The following CUL3 variants were observed in gnomAD, a reference collection of about 807,000 sequenced individuals.
The protein encoded by CUL3 is cullin 3.
Under a neutral mutation model 89.1 loss-of-function variants are expected in CUL3, and 19 were observed. The ratio of observed to expected loss-of-function variants is 0.21; its 90% CI spans 0.15 to 0.31. The LOEUF is 0.31. CUL3 is among the 10% of genes least tolerant of loss of function. CUL3 has a pLI of 1.00. For missense variants in CUL3, 469 were observed against 942.3 expected (o/e 0.50, Z 6.58); for synonymous variants, 351 against 308.4 (o/e 1.14, Z -1.45).
At chr2:224,557,899 A>AAAAAAAAAAAAC in intron 1 of CUL3, 43 bp from the exon 2 acceptor site, 3 of 1,136,452 alleles carry the variant, frequency 2.6e-6, no homozygotes, top group East Asian at 2.6e-5. Flanking sequence ...AAAAAAAAAA[A>AAAAAAAAAAAAC]AAAAAACCAA....
rs1237606856 is a variant in CUL3 at position 224,470,381 on chromosome 2, C to T, written c.*3864G>A. ...TGAGCATCAAATTACTTAAATGACA[C>T]GCTTACAAATTTGCCATTTCTAAAA... is the stretch of plus-strand genomic sequence containing the variant. On this transcript the variant is annotated 3_prime_UTR_variant, in exon 16 of 16. Coordinates refer to ENST00000264414, the MANE Select transcript of CUL3 (RefSeq NM_003590.5). The T allele has an allele frequency of 1.7e-5, 4 of 229,212 alleles. No individual in the cohort carries two copies. The highest frequency in any genetic ancestry group is 2.2e-5 in the African/African-American group (1 of 45,124). The allele number at this position is 229,212 out of a possible 1,614,324, so 14.2% of individuals were successfully genotyped here. A position where few individuals can be genotyped will look rare whatever the true frequency, so the allele number is the denominator to read the frequency against.
At chr2:224,522,643 C>T (rs1025377544) in intron 3 of CUL3, among the ~76,000 whole-genome samples, 1 of 152,010 alleles carries the variant, frequency 6.6e-6, no homozygotes, top group African/African-American at 2.4e-5. Flanking sequence ...CTGGCTAACA[C>T]AGTGAAACCC....
At chr2:224,536,261 CTT>C (rs1693895267) in intron 2 of CUL3, among the ~76,000 whole-genome samples, 1 of 152,174 alleles carries the variant, frequency 6.6e-6, no homozygotes, top group Non-Finnish European at 1.5e-5. Context: ...ACAATGGCCT[CTT>C]TACTAAATAC....
rs1260629621 is a variant in CUL3 at position 224,513,638 on chromosome 2, T to C, written c.540A>G (p.Arg180=). The change falls in exon 5 of 16, where the codon AGA becomes AGG. Residue 180 remains arginine, a splice_region_variant and synonymous_variant. Transcript: ENST00000264414. ...TCTGGCAAGCATTTCTTATTGCGCCTCTGTCGAAAAAAGTTATTATCACTT... is the reference window on the plus strand; with the variant it reads ...TCTGGCAAGCATTTCTTATTGCGCCCCTGTCGAAAAAAGTTATTATCACTT... ...ARERKGEVVD[R]GAIRNACQML... 1 of 1,568,992 alleles carries C rather than the reference T, an allele frequency of 6.4e-7. No homozygotes were observed.
At position 224,510,694 on chromosome 2, in the gene CUL3, T is replaced by C. The variant is rs531290618; in HGVS notation, c.883+660A>G. On this transcript the variant is annotated intron_variant, in intron 6 of 15. Transcript: ENST00000264414. ...GAATAGAGGATATGGTTATTGTTCT[T>C]TTAACTTGTAATTTCTTCTAGGATA... 3.3e-5 allele frequency among the ~76,000 whole-genome samples: 5 copies of C among 152,320 alleles called. No homozygotes were observed. The South Asian group carries it at 1.0e-3, about 32-fold the overall frequency.
intron 13 of CUL3, among the ~76,000 whole-genome samples, chr2:224,484,982 G>C (rs10203955): frequency 0.15 from 23,463 of 152,162 alleles, 2,010 homozygotes; most frequent in Non-Finnish European, 0.19. Context: ...CCCACAGAGG[G>C]TGAGCAGAAG....
chr2:224,579,633 T>A (rs1695388737), intron 1 of CUL3, among the ~76,000 whole-genome samples: 1 of 152,242 alleles, frequency 6.6e-6, no homozygotes. Context: ...TTGCTGTCCA[T>A]GCTACACAAG....
chr2:224,473,349 C>G lies in CUL3; in HGVS notation c.*896G>C, dbSNP rs141660429. On this transcript the variant is annotated 3_prime_UTR_variant, in exon 16 of 16. Coordinates refer to ENST00000264414, the MANE Select transcript of CUL3 (RefSeq NM_003590.5). Reference sequence around the variant, plus strand: ...AGACTGTATGTGCTTTTCAGAGGGGCTGAATTAAATATAACCAGCTGCCAA... The same window carrying G: ...AGACTGTATGTGCTTTTCAGAGGGGGTGAATTAAATATAACCAGCTGCCAA... The G allele has an allele frequency of 4.9e-4, 95 of 194,176 alleles. No individual in the cohort carries two copies. The highest frequency in any genetic ancestry group is 2.1e-3 in the African/African-American group (89 of 43,142). 12.0% of individuals were successfully genotyped at this position (194,176 alleles called of 1,614,324 possible). A position where few individuals can be genotyped will look rare whatever the true frequency, so the allele number is the denominator to read the frequency against.
chr2:224,504,392 A>AC (rs1402569514), intron 8 of CUL3: 1 of 152,260 alleles, frequency 6.6e-6, no homozygotes, highest in Non-Finnish European at 1.5e-5. Flanking sequence ...GCTCACCGCA[A>AC]CCTCTGCTTC....
rs1313196395 is a variant in CUL3, at chr2:224,485,021, G to C, written c.1843-2943C>G. Among the ~76,000 whole-genome samples, 1 of 152,196 alleles carries C rather than the reference G, an allele frequency of 6.6e-6. No individual in the cohort carries two copies. Among genetic ancestry groups the C allele is most frequent in the African/African-American group, 2.4e-5 (1 of 41,448 alleles). On this transcript the variant is annotated intron_variant, in intron 13 of 15. Coordinates refer to ENST00000264414, the MANE Select transcript of CUL3 (RefSeq NM_003590.5). This position sits in a 1 kb window ranked among gnomAD's most constrained non-coding sequence, Gnocchi z 4.1. ...GGTGGGGCGTCACCTCACCTGGGAA[G>C]CACAAGGGGTCAGGGAACTCCCTCC...
At chr2:224,490,366 T>TG (rs1204782366) in intron 13 of CUL3, among the ~76,000 whole-genome samples, 1 of 152,156 alleles carries the variant, frequency 6.6e-6, no homozygotes, top group African/African-American at 2.4e-5. Context: ...AAGGGCCCCC[T>TG]GGCTGGTGGA....
chr2:224,524,368 T>A (rs1693387035), intron 3 of CUL3, among the ~76,000 whole-genome samples: 1 of 151,980 alleles, frequency 6.6e-6, no homozygotes, highest in African/African-American at 2.4e-5. Flanking sequence ...CTGCAAGAAA[T>A]TTTTCACTGA....
intron 2 of CUL3, among the ~76,000 whole-genome samples, chr2:224,547,138 T>G (rs1225913887): frequency 1.3e-5 from 2 of 152,198 alleles, no homozygotes; most frequent in East Asian, 1.9e-4. Flanking sequence ...GCACTCATCC[T>G]AAATGCCTGA....
chr2:224,567,374 T>C (rs543954201), intron 1 of CUL3, among the ~76,000 whole-genome samples: 1 of 152,238 alleles, frequency 6.6e-6, no homozygotes, highest in South Asian at 2.1e-4. Flanking sequence ...TGTGCCACCA[T>C]GCGTGGCTAA....
At chr2:224,548,428 T>C (rs1358050241) in intron 2 of CUL3, among the ~76,000 whole-genome samples, 1 of 152,220 alleles carries the variant, frequency 6.6e-6, no homozygotes, top group African/African-American at 2.4e-5. Flanking sequence ...TGAAAACCAC[T>C]AGAATAAATG....
Position 224,558,505 on chromosome 2 carries a change from G to C in CUL3, c.67-649C>G, listed in dbSNP as rs554916066. Among the ~76,000 whole-genome samples the C allele has an allele frequency of 1.4e-4, 22 of 152,210 alleles. 1 individual carries two copies. In the South Asian group the frequency reaches 4.1e-3, roughly 29 times the overall value. On this transcript the variant is annotated intron_variant, in intron 1 of 15. Coordinates refer to ENST00000264414, the MANE Select transcript of CUL3 (RefSeq NM_003590.5). ...ATCATATTCACACACCAACCGACCT[G>C]ATTTTATGCCAATAAAACCTGCTAG...
intron 13 of CUL3, among the ~76,000 whole-genome samples, chr2:224,487,441 C>CG (rs891979153): frequency 4.0e-5 from 4 of 99,070 alleles, no homozygotes; most frequent in African/African-American, 1.4e-4. Context: ...GCCCGCCCCC[C>CG]CCAAAAAAAA....
At chr2:224,510,354 A>C (rs1423001472) in intron 6 of CUL3, among the ~76,000 whole-genome samples, 3 of 150,036 alleles carry the variant, frequency 2.0e-5, no homozygotes, top group Non-Finnish European at 4.4e-5. Context: ...TCTCATATAT[A>C]CAAACATTTA....
intron 13 of CUL3, among the ~76,000 whole-genome samples, chr2:224,482,505 T>G (rs551509372): frequency 6.6e-6 from 1 of 152,068 alleles, no homozygotes; most frequent in East Asian, 1.9e-4. Flanking sequence ...AAAAGGAAGG[T>G]AAGCCTGAGC....
Sources: allele counts gnomAD v4.1 joint callset (sites outside exome capture counted in the v4.1 genomes callset), GRCh38; gene constraint gnomAD v4.1.1; non-coding constraint Gnocchi (gnomAD v3.1); transcripts MANE v1.5; gene names NCBI Gene and HGNC (gene_info 2026-07-23, HGNC 2026-07-21).